The following PAK3 variants were observed in gnomAD, a reference collection of about 807,000 sequenced individuals.
PAK3 encodes serine/threonine-protein kinase PAK 3.
A neutral mutation model predicts 41.0 loss-of-function variants in PAK3; 4 were observed. That is an observed-to-expected ratio of 0.10 (90% CI 0.05 to 0.22). The LOEUF (loss-of-function observed/expected upper bound fraction) is 0.22, where lower values mean the gene tolerates loss of function less well. Ranked by LOEUF, PAK3 falls within the 10% of genes least tolerant of loss-of-function variation. The probability of loss-of-function intolerance (pLI) is 1.00; values close to 1 mark genes in which losing one functional copy is unlikely to be tolerated. For synonymous variants in PAK3, 146 were observed against 139.6 expected (o/e 1.05, Z -0.32); for missense variants, 205 against 409.9 (o/e 0.50, Z 4.32).
intron 11 of PAK3, among the ~76,000 whole-genome samples, chrX:111,180,536 G>T (rs1489394240): frequency 8.9e-6 from 1 of 111,930 alleles, no homozygotes; most frequent in East Asian, 2.8e-4. Context: ...ATTTTTATAA[G>T]AACTTGCATA....
At chrX:111,015,996 G>C (rs769055152) in intron 1 of PAK3, among the ~76,000 whole-genome samples, 5 of 111,846 alleles carry the variant, frequency 4.5e-5, no homozygotes, top group Non-Finnish European at 7.5e-5. Flanking sequence ...TTGCTCTTTA[G>C]TGTTATTTTA....
At chrX:110,989,689 A>G (rs1188522442) in intron 1 of PAK3, among the ~76,000 whole-genome samples, 1 of 111,859 alleles carries the variant, frequency 8.9e-6, no homozygotes, top group Non-Finnish European at 1.9e-5. Context: ...ACTCAGAAAG[A>G]TTAGGTATCT....
At chrX:111,216,319 G>A (rs991810432) in intron 16 of PAK3, 102 bp from the exon 17 acceptor site, 14 of 565,662 alleles carry the variant, frequency 2.5e-5, no homozygotes, top group Non-Finnish European at 4.0e-5. Flanking sequence ...GAATTATTAA[G>A]ACCCAGAATG....
intron 1 of PAK3, among the ~76,000 whole-genome samples, chrX:110,945,827 CCTT>C (rs1477917800): frequency 5.4e-5 from 6 of 111,472 alleles, no homozygotes; most frequent in African/African-American, 2.0e-4. Flanking sequence ...AACTGCTAAA[CCTT>C]CTCTTTGACA....
intron 10 of PAK3, among the ~76,000 whole-genome samples, chrX:111,170,507 G>T (rs2094324327): frequency 9.0e-6 from 1 of 111,274 alleles, no homozygotes; most frequent in East Asian, 2.8e-4. Context: ...AAATTAGCAT[G>T]AAGTATTATC....
chrX:111,134,296 A>G (rs1418392453), intron 5 of PAK3, among the ~76,000 whole-genome samples: 1 of 111,951 alleles, frequency 8.9e-6, no homozygotes, highest in Non-Finnish European at 1.9e-5. Context: ...AACAGCAACA[A>G]TGCCACCAAA....
intron 16 of PAK3, among the ~76,000 whole-genome samples, chrX:111,207,914 C>A (rs1603391616): frequency 8.9e-6 from 1 of 112,267 alleles, no homozygotes; most frequent in Non-Finnish European, 1.9e-5. Context: ...CATGTCCCAG[C>A]CTCCCTAGTA....
chrX:110,996,101 A>G (rs189793520), intron 1 of PAK3, among the ~76,000 whole-genome samples: 1 of 112,100 alleles, frequency 8.9e-6, no homozygotes, highest in East Asian at 2.8e-4. Context: ...GGCCTCTTCT[A>G]GATGAAGTAA....
chrX:110,974,327 A>C (rs1164106401), intron 1 of PAK3, among the ~76,000 whole-genome samples: 1 of 112,014 alleles, frequency 8.9e-6, no homozygotes, highest in African/African-American at 3.2e-5. Flanking sequence ...GAATACTATA[A>C]ACAACTCTAT....
chrX:111,015,258 G>A (rs2092071400), intron 1 of PAK3, among the ~76,000 whole-genome samples: 1 of 110,468 alleles, frequency 9.1e-6, no homozygotes, highest in East Asian at 2.9e-4. Flanking sequence ...GTTGATCCAT[G>A]TTGTAGCATG....
intron 1 of PAK3, among the ~76,000 whole-genome samples, chrX:111,046,740 C>T (rs147074566): frequency 1.0e-3 from 113 of 111,964 alleles, no homozygotes; most frequent in African/African-American, 3.5e-3. Flanking sequence ...ATGTGCAAAA[C>T]ATTCAGAATA....
At chrX:110,977,107 TA>T (rs991790810) in intron 1 of PAK3, among the ~76,000 whole-genome samples, 7 of 109,549 alleles carry the variant, frequency 6.4e-5, no homozygotes, top group African/African-American at 1.7e-4. Context: ...TAGAGTATAA[TA>T]AAAAAAAATC....
intron 16 of PAK3, among the ~76,000 whole-genome samples, chrX:111,206,438 G>A (rs2094749078): frequency 8.9e-6 from 1 of 111,855 alleles, no homozygotes; most frequent in South Asian, 3.8e-4. Context: ...CACACATATT[G>A]TTGGAGTTAT....
Position 111,156,539 on chromosome X carries a change from C to T in PAK3, c.468+4092C>T, listed in dbSNP as rs372646831. Among the ~76,000 whole-genome samples the T allele has an allele frequency of 3.8e-4, 42 of 111,929 alleles. No homozygotes were observed. In the South Asian group the frequency reaches 9.4e-3, roughly 25 times the overall value. On this transcript the variant is annotated intron_variant, in intron 8 of 17. Transcript: ENST00000372007. The stretch of plus-strand genomic sequence containing the variant: ...TATAGTTCTAGAGGAGAGTATGCTT[C>T]GCAATGTGTATGTCTTTTTGCATCA...
intron 1 of PAK3, among the ~76,000 whole-genome samples, chrX:110,977,479 A>T (rs976361007): frequency 1.8e-5 from 2 of 111,191 alleles, no homozygotes; most frequent in Non-Finnish European, 3.8e-5. Flanking sequence ...GAATCTATAG[A>T]TCAATTTGGA....
At chrX:111,035,039 A>C (rs2092379641) in intron 1 of PAK3, among the ~76,000 whole-genome samples, 1 of 102,720 alleles carries the variant, frequency 9.7e-6, no homozygotes, top group Admixed American at 1.1e-4. Flanking sequence ...CCAGAAAGTC[A>C]AGGCTGCAGT....
At chrX:111,061,967 A>G (rs1336119710) in intron 1 of PAK3, among the ~76,000 whole-genome samples, 1 of 110,157 alleles carries the variant, frequency 9.1e-6, no homozygotes, top group Non-Finnish European at 1.9e-5. Flanking sequence ...GGCACCCACC[A>G]TAACACCCAG....
intron 9 of PAK3, 135 bp downstream of exon 9, chrX:111,163,181 C>T: frequency 1.5e-6 from 1 of 652,026 alleles, no homozygotes; most frequent in Non-Finnish European, 2.5e-6. Flanking sequence ...AAAATATGAC[C>T]AAGGTTTTGA....
intron 14 of PAK3, among the ~76,000 whole-genome samples, chrX:111,194,945 G>T (rs1026933229): frequency 1.8e-5 from 2 of 112,280 alleles, no homozygotes; most frequent in Admixed American, 9.4e-5. Flanking sequence ...TCCAGTAAGT[G>T]TCATACCCCT....
Sources: gnomAD v4.1 joint callset for allele counts (sites outside exome capture counted in the v4.1 genomes callset) on GRCh38, gnomAD v4.1.1 for gene constraint, MANE v1.5 for transcripts, NCBI Gene and HGNC (gene_info 2026-07-23, HGNC 2026-07-21) for gene names.